The following NEGR1 variants were observed in gnomAD, a reference collection of about 807,000 sequenced individuals.
NEGR1 encodes neuronal growth regulator 1.
NEGR1 carries 10 observed loss-of-function variants against 40.9 expected under a neutral mutation model. The observed-to-expected ratio is 0.24, with a 90% CI of 0.15 to 0.42. The LOEUF is 0.42. Among genes scored for constraint, NEGR1 ranks in the 10% least tolerant of loss-of-function variants. The pLI, the probability that NEGR1 is intolerant of heterozygous loss-of-function variation, is 1.00. For synonymous variants in NEGR1, 185 were observed against 166.8 expected (o/e 1.11, Z -0.84); for missense variants, 352 against 438.9 (o/e 0.80, Z 1.77).
chr1:72,096,310 A>C (rs1275596047), intron 1 of NEGR1, among the ~76,000 whole-genome samples: 4 of 152,156 alleles, frequency 2.6e-5, no homozygotes, highest in Admixed American at 2.0e-4. Context: ...CAGAGAAGAT[A>C]GTAAAGTAAG....
intron 1 of NEGR1, among the ~76,000 whole-genome samples, chr1:72,077,048 C>T (rs1305348707): frequency 6.6e-6 from 1 of 151,734 alleles, no homozygotes; most frequent in Non-Finnish European, 1.5e-5. Context: ...GTGCCCGCCA[C>T]CATGCCCGTC....
chr1:71,870,959 A>G (rs1660261766), intron 2 of NEGR1, among the ~76,000 whole-genome samples: 1 of 152,204 alleles, frequency 6.6e-6, no homozygotes. Flanking sequence ...AGGCTAGAAT[A>G]CTTTCTTTGT....
At chr1:72,088,218 G>T (rs1347021799) in intron 1 of NEGR1, among the ~76,000 whole-genome samples, 1 of 152,090 alleles carries the variant, frequency 6.6e-6, no homozygotes, top group African/African-American at 2.4e-5. Context: ...GTGGTCCCTA[G>T]ACCAGCAGTA....
At chr1:71,988,825 T>C (rs1034226781) in intron 1 of NEGR1, among the ~76,000 whole-genome samples, 1 of 146,282 alleles carries the variant, frequency 6.8e-6, no homozygotes, top group Non-Finnish European at 1.5e-5. Context: ...ATAAAATAGC[T>C]ATGGCCACGC....
At chr1:72,225,623 T>C (rs1389422310) in intron 1 of NEGR1, among the ~76,000 whole-genome samples, 1 of 151,472 alleles carries the variant, frequency 6.6e-6, no homozygotes, top group African/African-American at 2.4e-5. Flanking sequence ...ATAGATCCTA[T>C]TCATGAATAT....
At position 71,402,822 on chromosome 1, in the gene NEGR1, A is replaced by C. The variant is rs1646255010; in HGVS notation, c.*4624T>G. The C allele has an allele frequency of 1.3e-5, 2 of 152,082 alleles. No individual in the cohort carries two copies. The highest frequency in any genetic ancestry group is 4.1e-4 in the South Asian group (2 of 4,820). 9.4% of individuals were successfully genotyped at this position (152,082 alleles called of 1,614,324 possible). On this transcript the variant is annotated 3_prime_UTR_variant, in exon 7 of 7. Coordinates refer to ENST00000357731, the MANE Select transcript of NEGR1 (RefSeq NM_173808.3). ...TTTTGCCCTATTCTTTTGAGAGGGA[A>C]ACTAGCTCTGTTTCATGTGCTGGTT...
chr1:71,654,316 CAA>C (rs1409758655), intron 4 of NEGR1, among the ~76,000 whole-genome samples: 2 of 152,004 alleles, frequency 1.3e-5, no homozygotes, highest in Non-Finnish European at 2.9e-5. Flanking sequence ...TATACAATAC[CAA>C]GAGTGAACCT....
chr1:72,125,761 T>C (rs1570005268), intron 1 of NEGR1, among the ~76,000 whole-genome samples: 2 of 152,128 alleles, frequency 1.3e-5, no homozygotes, highest in Admixed American at 1.3e-4. Context: ...AATAAAAAAA[T>C]AGATTTTTGA....
At chr1:71,727,096 A>G (rs1169212617) in intron 3 of NEGR1, among the ~76,000 whole-genome samples, 3 of 152,036 alleles carry the variant, frequency 2.0e-5, no homozygotes, top group African/African-American at 4.8e-5. Flanking sequence ...TCAATAATCA[A>G]TAGCTCCAAT....
At chr1:71,818,694 G>C (rs1658315713) in intron 2 of NEGR1, among the ~76,000 whole-genome samples, 1 of 151,526 alleles carries the variant, frequency 6.6e-6, no homozygotes, top group African/African-American at 2.4e-5. Context: ...TAAAACAAAA[G>C]CTAAAAAATA....
intron 6 of NEGR1, among the ~76,000 whole-genome samples, chr1:71,575,000 G>C (rs1469475995): frequency 1.3e-5 from 2 of 152,150 alleles, no homozygotes; most frequent in African/African-American, 4.8e-5. Context: ...AAATTATTCT[G>C]AGACTAAATC....
chr1:71,806,075 A>T (rs1350625277), intron 2 of NEGR1, among the ~76,000 whole-genome samples: 2 of 152,160 alleles, frequency 1.3e-5, no homozygotes, highest in Non-Finnish European at 2.9e-5. Flanking sequence ...GCAGTGGGCA[A>T]TAAATACAAA....
chr1:71,617,307 T>C lies in NEGR1; in HGVS notation c.668-6161A>G, dbSNP rs117732040. On this transcript the variant is annotated intron_variant, in intron 4 of 6. Coordinates refer to ENST00000357731, the MANE Select transcript of NEGR1 (RefSeq NM_173808.3). ...TGGCTAGCACCATAACTAGATGAAA[T>C]AGCAGAGGATATTAAGGCACGATTG... Among the ~76,000 whole-genome samples the C allele has an allele frequency of 3.9e-3, 588 of 152,292 alleles. 10 individuals carry two copies. In the East Asian group the frequency reaches 0.049, roughly 13 times the overall value.
At position 71,403,637 on chromosome 1, in the gene NEGR1, A is replaced by C; in HGVS notation, c.*3809T>G. The C allele has an allele frequency of 3.4e-6, 1 of 294,942 alleles. No homozygotes were observed. Among genetic ancestry groups the C allele is most frequent in the Non-Finnish European group, 6.3e-6 (1 of 159,018 alleles). The allele number at this position is 294,942 out of a possible 1,614,324, so 18.3% of individuals were successfully genotyped here. The stretch of plus-strand genomic sequence containing the variant: ...TAGAGTAAGCAGAAAGATGAGTGTA[A>C]TACAGGAAATAAAGAGAATAGCAGA... On this transcript the variant is annotated 3_prime_UTR_variant, in exon 7 of 7. Transcript: ENST00000357731.
intron 1 of NEGR1, among the ~76,000 whole-genome samples, chr1:71,964,513 T>C (rs1396979134): frequency 2.0e-5 from 3 of 152,136 alleles, no homozygotes; most frequent in Non-Finnish European, 4.4e-5. Context: ...CACACATGAA[T>C]GAAGAGGCCT....
chr1:71,770,512 G>T (rs1226541482), intron 3 of NEGR1, among the ~76,000 whole-genome samples: 3 of 152,128 alleles, frequency 2.0e-5, no homozygotes, highest in Non-Finnish European at 4.4e-5. Flanking sequence ...AACTCCAATT[G>T]TATGGTATAA....
intron 1 of NEGR1, among the ~76,000 whole-genome samples, chr1:72,135,137 G>A (rs1650402236): frequency 6.6e-6 from 1 of 150,460 alleles, no homozygotes; most frequent in South Asian, 2.1e-4. Flanking sequence ...AGCACTTTGG[G>A]AGGCCGAGAT....
chr1:71,654,766 T>C (rs1185132964), intron 4 of NEGR1, among the ~76,000 whole-genome samples: 2 of 152,208 alleles, frequency 1.3e-5, no homozygotes, highest in African/African-American at 4.8e-5. Flanking sequence ...AGTGGATACA[T>C]TCTACAAATA....
chr1:71,953,352 G>T (rs1646089413), intron 1 of NEGR1, among the ~76,000 whole-genome samples: 1 of 151,634 alleles, frequency 6.6e-6, no homozygotes, highest in Admixed American at 6.6e-5. Flanking sequence ...TAGAAGTGGA[G>T]CCTGAAGATG....
Sources: gnomAD v4.1 joint callset for allele counts (sites outside exome capture counted in the v4.1 genomes callset) on GRCh38, gnomAD v4.1.1 for gene constraint, MANE v1.5 for transcripts, NCBI Gene and HGNC (gene_info 2026-07-23, HGNC 2026-07-21) for gene names.